ATXN3: variants seen among roughly 807,000 people sequenced by gnomAD.
ATXN3 encodes ataxin-3.
ATXN3 carries 28 observed loss-of-function variants against 58.2 expected under a neutral mutation model. The observed-to-expected ratio is 0.48, with a 90% CI of 0.36 to 0.66. ATXN3 has a LOEUF of 0.66. ATXN3 is among the 30% of genes least tolerant of loss of function. The pLI, the probability that ATXN3 is intolerant of heterozygous loss-of-function variation, is 0.00. For synonymous variants in ATXN3, 113 were observed against 138.5 expected, an observed-to-expected ratio of 0.82 and a Z score of 1.29; for missense variants, 321 against 422.1, an observed-to-expected ratio of 0.76 and a Z score of 2.10.
intron 3 of ATXN3, among the ~76,000 whole-genome samples, 189 bp downstream of exon 3, chr14:92,095,904 T>C (rs2065103324): frequency 6.6e-6 from 1 of 151,796 alleles, no homozygotes; most frequent in Admixed American, 6.6e-5. Flanking sequence ...ATCACGCCAC[T>C]GCACTCCAGC....
chr14:92,069,835 G>A (rs952094653), intron 10 of ATXN3, among the ~76,000 whole-genome samples: 1 of 151,900 alleles, frequency 6.6e-6, no homozygotes, highest in Non-Finnish European at 1.5e-5. Flanking sequence ...CCCATTAACA[G>A]TATATGAGTC....
intron 9 of ATXN3, among the ~76,000 whole-genome samples, chr14:92,078,018 AG>A (rs1461167068): frequency 6.8e-6 from 1 of 147,638 alleles, no homozygotes; most frequent in Non-Finnish European, 1.5e-5. Context: ...TCTGTCACCC[AG>A]GCTGGAGTGC....
downstream of ATXN3, among the ~76,000 whole-genome samples, chr14:92,056,465 C>T (rs2057465524): frequency 6.6e-6 from 1 of 152,090 alleles, no homozygotes; most frequent in South Asian, 2.1e-4. Flanking sequence ...ACGTATGCTA[C>T]AACATGGATG....
chr14:92,055,731 C>T (rs951860851), downstream of ATXN3, among the ~76,000 whole-genome samples: 2 of 152,170 alleles, frequency 1.3e-5, no homozygotes, highest in Non-Finnish European at 2.9e-5. This position sits in a 1 kb window ranked among gnomAD's most constrained non-coding sequence, Gnocchi z 4.5. Flanking sequence ...GAGGCCGAGG[C>T]GGGTGGATCA....
At chr14:92,103,899 T>C (rs1373737020) in intron 1 of ATXN3, among the ~76,000 whole-genome samples, 1 of 152,162 alleles carries the variant, frequency 6.6e-6, no homozygotes, top group Admixed American at 6.6e-5. Context: ...TAAAGGTATA[T>C]TGCAGAGGGG....
Position 92,064,260 on chromosome 14 carries a change from G to T in ATXN3, c.*60C>A. 8.0e-7 allele frequency: 1 copy of T among 1,244,848 alleles called. No individual in the cohort carries two copies. Among genetic ancestry groups the T allele is most frequent in the Non-Finnish European group, 1.2e-6 (1 of 862,920 alleles). The allele number at this position is 1,244,848 out of a possible 1,614,324, so 77.1% of individuals were successfully genotyped here. A position where few individuals can be genotyped will look rare whatever the true frequency, so the allele number is the denominator to read the frequency against. ...GACACATTACCAAAGTGGACCCTAT[G>T]CTGTAATCACACAGGATAATGTTGG... On this transcript the variant is annotated 3_prime_UTR_variant, in exon 11 of 11. Transcript: ENST00000644486.
chr14:92,087,180 G>A (rs2062780864), intron 6 of ATXN3, among the ~76,000 whole-genome samples: 2 of 152,132 alleles, frequency 1.3e-5, no homozygotes, highest in Admixed American at 6.5e-5. Context: ...TTGGAGAGTG[G>A]TACATAATTT....
intron 2 of ATXN3, 160 bp downstream of exon 2, chr14:92,096,514 C>T: frequency 1.2e-6 from 1 of 808,510 alleles, no homozygotes; most frequent in Non-Finnish European, 1.9e-6. Context: ...ATCCCAGCTA[C>T]TTGGGAGGCT....
chr14:92,075,156 GTTTTTTTTTTTT>G (rs376552690), intron 9 of ATXN3, among the ~76,000 whole-genome samples: 5 of 111,356 alleles, frequency 4.5e-5, no homozygotes, highest in Admixed American at 1.1e-4. Flanking sequence ...GTAATAGGGA[GTTTTTTTTTTTT>G]TTTTTTTTTT....
At chr14:92,077,257 A>C (rs1017833924) in intron 9 of ATXN3, among the ~76,000 whole-genome samples, 5 of 152,226 alleles carry the variant, frequency 3.3e-5, no homozygotes, top group Non-Finnish European at 7.3e-5. Context: ...ATAGGAAATG[A>C]GTACAACACT....
intron 2 of ATXN3, among the ~76,000 whole-genome samples, chr14:92,045,746 G>A (rs142983710): frequency 0.022 from 3,315 of 152,324 alleles, 126 homozygotes; most frequent in African/African-American, 0.075. Flanking sequence ...GAATGGGCCT[G>A]TGAGGCTGGA....
intron 7 of ATXN3, 32 bp downstream of exon 7, chr14:92,083,085 AAATACTACC>A: frequency 6.4e-7 from 1 of 1,563,990 alleles, no homozygotes; most frequent in South Asian, 1.2e-5. Flanking sequence ...TCTCATAATG[AAATACTACC>A]ATATATTCCA....
chr14:92,096,931 G>A lies in ATXN3; in HGVS notation c.25-93C>T, dbSNP rs10137541. On this transcript the variant is annotated intron_variant, in intron 1 of 10. Transcript: ENST00000644486. Reference sequence around the variant, plus strand: ...AATAATTTTTTTTTTTTTTTGAGACGGAGTCTCACTCTTTCACCCAGGCCG... The same window carrying A: ...AATAATTTTTTTTTTTTTTTGAGACAGAGTCTCACTCTTTCACCCAGGCCG... 1,656 of 1,059,372 alleles carry A rather than the reference G, an allele frequency of 1.6e-3. 18 individuals carry two copies. The highest frequency in any genetic ancestry group is 0.013 in the African/African-American group (754 of 60,264). The allele number at this position is 1,059,372 out of a possible 1,614,324, so 65.6% of individuals were successfully genotyped here.
At chr14:92,079,523 GTAAAA>G in intron 9 of ATXN3, 1 of 768,872 alleles carries the variant, frequency 1.3e-6, no homozygotes, top group Non-Finnish European at 1.6e-6. Flanking sequence ...ACCATCAAAT[GTAAAA>G]TGAGCCAATA....
downstream of ATXN3, among the ~76,000 whole-genome samples, chr14:92,057,471 C>T (rs1368423442): frequency 2.0e-5 from 3 of 152,034 alleles, no homozygotes; most frequent in Non-Finnish European, 2.9e-5. Flanking sequence ...ACCAGCAGCC[C>T]TCAGGGCTGC....
chr14:92,065,637 T>G (rs2058253555), intron 10 of ATXN3, among the ~76,000 whole-genome samples: 1 of 152,104 alleles, frequency 6.6e-6, no homozygotes, highest in South Asian at 2.1e-4. Context: ...ATCCCAGCAT[T>G]TTGGGAAGCC....
chr14:92,073,811 C>A (rs1397212640), intron 9 of ATXN3, among the ~76,000 whole-genome samples: 1 of 151,368 alleles, frequency 6.6e-6, no homozygotes, highest in Non-Finnish European at 1.5e-5. Flanking sequence ...TACACTCCAG[C>A]CTGGGTGACA....
At chr14:92,082,247 A>AT (rs2061601895) in intron 8 of ATXN3, 53 bp downstream of exon 8, 1 of 1,538,050 alleles carries the variant, frequency 6.5e-7, no homozygotes, top group Non-Finnish European at 8.8e-7. Context: ...ATCTAAGAAT[A>AT]ATTGGAATCA....
chr14:92,064,528 T>C (rs1595463421), intron 10 of ATXN3, 114 bp from the exon 11 acceptor site: 2 of 776,490 alleles, frequency 2.6e-6, no homozygotes, highest in East Asian at 2.6e-5. Context: ...CTTTTTTTGA[T>C]TTAATACATA....
Sources: gnomAD v4.1 joint callset for allele counts (sites outside exome capture counted in the v4.1 genomes callset) on GRCh38, gnomAD v4.1.1 for gene constraint, Gnocchi (gnomAD v3.1) non-coding constraint, MANE v1.5 for transcripts, NCBI Gene and HGNC (gene_info 2026-07-23, HGNC 2026-07-21) for gene names.